CCDC27: variants seen among roughly 807,000 people sequenced by gnomAD.
The protein encoded by CCDC27 is coiled-coil domain containing 27, also known as coiled-coil domain-containing protein 27.
In CCDC27, 80 loss-of-function variants were observed where a neutral mutation model predicts 80.3. That is an observed-to-expected ratio of 1.00 (90% CI 0.83 to 1.20). The LOEUF is 1.20. CCDC27 is among the 50% of genes most tolerant of loss of function. CCDC27 has a pLI of 0.00. For missense variants in CCDC27, 815 were observed against 809.4 expected, an observed-to-expected ratio of 1.01 and a Z score of -0.08; for synonymous variants, 342 against 334.3, an observed-to-expected ratio of 1.02 and a Z score of -0.25.
intron 8 of CCDC27, among the ~76,000 whole-genome samples, chr1:3,765,069 A>C (rs1643197793): frequency 6.6e-6 from 1 of 151,214 alleles, no homozygotes; most frequent in African/African-American, 2.4e-5. Flanking sequence ...ACAGGGGTAA[A>C]GTTTTGGGGA....
intron 8 of CCDC27, among the ~76,000 whole-genome samples, chr1:3,765,212 A>G (rs899446800): frequency 1.6e-4 from 25 of 152,158 alleles, no homozygotes; most frequent in African/African-American, 5.3e-4. Flanking sequence ...TTGGCCGATG[A>G]TAAGTCCAAA....
At chr1:3,764,180 A>G (rs1245264539) in intron 8 of CCDC27, among the ~76,000 whole-genome samples, 1 of 152,194 alleles carries the variant, frequency 6.6e-6, no homozygotes, top group Non-Finnish European at 1.5e-5. Context: ...CCGTGCTTAG[A>G]GAGACTGCTA....
rs955905984 is a variant in CCDC27, at chr1:3,753,974, G to T, written c.319-144G>T. ...TGAGGGGCCACACGGTGTCCTGGGT[G>T]TGGGGTCTGCATCTACATACGACTC... On this transcript the variant is annotated intron_variant, in intron 1 of 11. Coordinates refer to ENST00000294600, the MANE Select transcript of CCDC27 (RefSeq NM_152492.3). The T allele has an allele frequency of 1.0e-5, 12 of 1,167,002 alleles. No homozygotes were observed. In the African/African-American group the frequency reaches 1.6e-4, roughly 15 times the overall value. 72.3% of individuals were successfully genotyped at this position (1,167,002 alleles called of 1,614,324 possible). A position where few individuals can be genotyped will look rare whatever the true frequency, so the allele number is the denominator to read the frequency against.
chr1:3,770,831 GAA>G (rs1461314723), intron 11 of CCDC27, among the ~76,000 whole-genome samples: 2 of 152,130 alleles, frequency 1.3e-5, no homozygotes, highest in African/African-American at 2.4e-5. Flanking sequence ...AAGAGGAAGA[GAA>G]GAGGGAAGAC....
rs150830961 is a variant in CCDC27, at chr1:3,756,445, C to T, written c.554-288C>T. ...CAGGATGACCCCCTCGTCCCGACTC[C>T]CAGCTCCGGCTCGTTTGTCCTGGGT... On this transcript the variant is annotated intron_variant, in intron 3 of 11. Coordinates refer to ENST00000294600, the MANE Select transcript of CCDC27 (RefSeq NM_152492.3). 3 of 292,598 alleles carry T rather than the reference C, an allele frequency of 1.0e-5. No individual in the cohort carries two copies. The East Asian group carries it at 2.3e-4, about 23-fold the overall frequency. The allele number at this position is 292,598 out of a possible 1,614,324, so 18.1% of individuals were successfully genotyped here.
chr1:3,759,430 G>A (rs979081993), intron 4 of CCDC27, among the ~76,000 whole-genome samples: 11 of 152,176 alleles, frequency 7.2e-5, no homozygotes, highest in Admixed American at 2.0e-4. Flanking sequence ...TCTCATTCCC[G>A]ACGTGGCTGC....
At position 3,769,935 on chromosome 1, in the gene CCDC27, G is replaced by A. The variant is rs1643320501; in HGVS notation, c.1848+48G>A. 7.2e-7 allele frequency: 1 copy of A among 1,381,606 alleles called. No homozygotes were observed. Among genetic ancestry groups the A allele is most frequent in the Non-Finnish European group, 1.0e-6 (1 of 968,136 alleles). 85.6% of individuals were successfully genotyped at this position (1,381,606 alleles called of 1,614,324 possible). On this transcript the variant is annotated intron_variant, in intron 11 of 11. Coordinates refer to ENST00000294600, the MANE Select transcript of CCDC27 (RefSeq NM_152492.3). The surrounding 1 kb of genome is among the most constrained non-coding windows in gnomAD (Gnocchi z 4.6). The stretch of plus-strand genomic sequence containing the variant: ...CTCTATCCGGGCCCCAGACCCCCAG[G>A]CCAGAGCTGTGGTAGGGGGTTGTGG...
chr1:3,766,288 T>G lies in CCDC27; in HGVS notation c.1453-247T>G, dbSNP rs894538859. Among the ~76,000 whole-genome samples, 12 of 152,112 alleles carry G rather than the reference T, an allele frequency of 7.9e-5. No individual in the cohort carries two copies. The highest frequency in any genetic ancestry group is 7.9e-4 in the Admixed American group (12 of 15,270). On this transcript the variant is annotated intron_variant, in intron 8 of 11. Transcript: ENST00000294600. The surrounding 1 kb of genome is among the most constrained non-coding windows in gnomAD (Gnocchi z 6.1). ...GAACTCAAGTGTGAATTGGGCTTAT[T>G]TTCTGCTTTTCCTACTGCCGGCTAT...
chr1:3,766,681 A>G lies in CCDC27; in HGVS notation c.1530+69A>G, dbSNP rs1643234236. On this transcript the variant is annotated intron_variant, in intron 9 of 11. Coordinates refer to ENST00000294600, the MANE Select transcript of CCDC27 (RefSeq NM_152492.3). This position sits in a 1 kb window ranked among gnomAD's most constrained non-coding sequence, Gnocchi z 6.1. Reference sequence around the variant, plus strand: ...CTTACTGTAAGTCCCAACACAGCAAAGGGCAAGACGGGGCTGGAGCGTCTT... The same window carrying G: ...CTTACTGTAAGTCCCAACACAGCAAGGGGCAAGACGGGGCTGGAGCGTCTT... 1 of 1,337,926 alleles carries G rather than the reference A, an allele frequency of 7.5e-7. No homozygotes were observed. 82.9% of individuals were successfully genotyped at this position (1,337,926 alleles called of 1,614,324 possible). A position where few individuals can be genotyped will look rare whatever the true frequency, so the allele number is the denominator to read the frequency against.
chr1:3,761,175 G>T lies in CCDC27; in HGVS notation c.712-106G>T, dbSNP rs1257929665. 30 of 1,372,188 alleles carry T rather than the reference G, an allele frequency of 2.2e-5. No individual in the cohort carries two copies. The highest frequency in any genetic ancestry group is 2.2e-5 in the Non-Finnish European group (22 of 999,044). The allele number at this position is 1,372,188 out of a possible 1,614,324, so 85.0% of individuals were successfully genotyped here. A position where few individuals can be genotyped will look rare whatever the true frequency, so the allele number is the denominator to read the frequency against. ...AATCCCTGGGACCCTGGGGTTTTGG[G>T]GTACCACGACAGCAGATCTGCTCCT... On this transcript the variant is annotated intron_variant, in intron 4 of 11. Transcript: ENST00000294600. The surrounding 1 kb of genome is among the most constrained non-coding windows in gnomAD (Gnocchi z 5.0).
chr1:3,754,636 G>C (rs935417567), intron 2 of CCDC27, among the ~76,000 whole-genome samples: 9 of 152,202 alleles, frequency 5.9e-5, no homozygotes, highest in African/African-American at 2.2e-4. Context: ...CAGCTATCCG[G>C]TCCAAACCCT....
chr1:3,758,745 G>A (rs575335410), intron 4 of CCDC27, among the ~76,000 whole-genome samples: 94 of 152,266 alleles, frequency 6.2e-4, no homozygotes, highest in African/African-American at 2.1e-3. Context: ...ACAGGCACAC[G>A]CCACCATGCC....
chr1:3,758,484 C>A (rs930540560), intron 4 of CCDC27, among the ~76,000 whole-genome samples: 1 of 149,128 alleles, frequency 6.7e-6, no homozygotes, highest in Non-Finnish European at 1.5e-5. Context: ...CTGCGCTCAG[C>A]CTTTATTTTT....
At position 3,763,124 on chromosome 1, in the gene CCDC27, C is replaced by T. The variant is rs868622651; in HGVS notation, c.971C>T (p.Ala324Val). The T allele has an allele frequency of 3.0e-5, 45 of 1,477,134 alleles. No individual in the cohort carries two copies. Among genetic ancestry groups the T allele is most frequent in the Middle Eastern group, 1.9e-4 (1 of 5,346 alleles). The allele number at this position is 1,477,134 out of a possible 1,614,324, so 91.5% of individuals were successfully genotyped here. Residue 324 changes from alanine to valine, a missense_variant, in exon 7 of 12, where the codon GCG becomes GTG. Transcript: ENST00000294600. The surrounding 1 kb of genome is among the most constrained non-coding windows in gnomAD (Gnocchi z 7.5). ...QHWWQMQEES[A>V]APERGKEPDL... The stretch of plus-strand genomic sequence containing the variant: ...ATCTTACAGATGCAGGAGGAGTCTG[C>T]GGCACCGGAGAGGGGCAAGGAGCCC...
intron 11 of CCDC27, among the ~76,000 whole-genome samples, chr1:3,771,031 G>C (rs903513713): frequency 6.6e-6 from 1 of 152,136 alleles, no homozygotes; most frequent in African/African-American, 2.4e-5. Flanking sequence ...AGATCTCTAG[G>C]AGTCTGGGGC....
At chr1:3,757,901 G>A (rs1344750985) in intron 4 of CCDC27, among the ~76,000 whole-genome samples, 96 of 146,314 alleles carry the variant, frequency 6.6e-4, no homozygotes, top group African/African-American at 2.2e-3. Context: ...CAGCCTGGGT[G>A]ACAGAGTGAG....
At position 3,756,825 on chromosome 1, in the gene CCDC27, T is replaced by C. The variant is rs1364984005; in HGVS notation, c.646T>C (p.Ser216Pro). 6.2e-7 allele frequency: 1 copy of C among 1,613,850 alleles called. No individual in the cohort carries two copies. The highest frequency in any genetic ancestry group is 8.5e-7 in the Non-Finnish European group (1 of 1,180,014). The change falls in exon 4 of 12, where the codon TCA (serine) becomes CCA (proline). Residue 216 changes from serine (S) to proline (P), a missense_variant. Ser to Pro is a moderately conservative substitution (Grantham distance 74, BLOSUM62 -1). Transcript: ENST00000294600. ...SQTLSPVTSS[S>P]VASQSCLRKR... Reference sequence around the variant, plus strand: ...GACTTTGAGTCCGGTCACCAGCAGCTCAGTCGCATCTCAGAGCTGCCTGAG... The same window carrying C: ...GACTTTGAGTCCGGTCACCAGCAGCCCAGTCGCATCTCAGAGCTGCCTGAG...
At position 3,766,690 on chromosome 1, in the gene CCDC27, C is replaced by T. The variant is rs1557630359; in HGVS notation, c.1530+78C>T. ...AGTCCCAACACAGCAAAGGGCAAGA[C>T]GGGGCTGGAGCGTCTTCACAGCTGA... is the stretch of plus-strand genomic sequence containing the variant. On this transcript the variant is annotated intron_variant, in intron 9 of 11. Transcript: ENST00000294600. The surrounding 1 kb of genome is among the most constrained non-coding windows in gnomAD (Gnocchi z 6.1). 14 of 1,246,194 alleles carry T rather than the reference C, an allele frequency of 1.1e-5. No individual in the cohort carries two copies. The highest frequency in any genetic ancestry group is 5.0e-5 in the South Asian group (4 of 80,574). The allele number at this position is 1,246,194 out of a possible 1,614,324, so 77.2% of individuals were successfully genotyped here. A position where few individuals can be genotyped will look rare whatever the true frequency, so the allele number is the denominator to read the frequency against.
At chr1:3,756,185 CA>C in intron 3 of CCDC27, 1 of 154,768 alleles carries the variant, frequency 6.5e-6, no homozygotes, top group Non-Finnish European at 1.4e-5. Flanking sequence ...ACTAAAAACA[CA>C]AAAAAATTAG....
Sources: gnomAD v4.1 joint callset for allele counts (sites outside exome capture counted in the v4.1 genomes callset) on GRCh38, gnomAD v4.1.1 for gene constraint, Gnocchi (gnomAD v3.1) non-coding constraint, MANE v1.5 for transcripts, NCBI Gene and HGNC (gene_info 2026-07-23, HGNC 2026-07-21) for gene names.